ATP11C: variants seen among roughly 807,000 people sequenced by gnomAD.
ATP11C encodes phospholipid-transporting ATPase IG.
Under a neutral mutation model 97.4 loss-of-function variants are expected in ATP11C, and 36 were observed. The observed-to-expected ratio is 0.37, with a 90% CI of 0.28 to 0.49. ATP11C has a LOEUF of 0.49. ATP11C is among the 20% of genes least tolerant of loss of function. The pLI is 0.98. For synonymous variants in ATP11C, 275 were observed against 290.9 expected, an observed-to-expected ratio of 0.95 and a Z score of 0.56; for missense variants, 730 against 824.6, an observed-to-expected ratio of 0.89 and a Z score of 1.40.
intron 2 of ATP11C, among the ~76,000 whole-genome samples, chrX:139,820,701 A>G (rs2083390522): frequency 9.0e-6 from 1 of 110,790 alleles, no homozygotes; most frequent in Admixed American, 9.6e-5. Context: ...TCTTAGGCCA[A>G]CTGTCAACTG....
At chrX:139,790,457 C>G (rs1309180610) in intron 12 of ATP11C, among the ~76,000 whole-genome samples, 1 of 96,990 alleles carries the variant, frequency 1.0e-5, no homozygotes, top group Non-Finnish European at 2.0e-5. Context: ...CTCTCTCTCT[C>G]TCTCACTCAC....
intron 20 of ATP11C, among the ~76,000 whole-genome samples, chrX:139,766,687 G>A (rs770598815): frequency 9.0e-6 from 1 of 111,695 alleles, no homozygotes; most frequent in African/African-American, 3.3e-5. Flanking sequence ...AGAGGAAGTG[G>A]TTAAAGAATC....
At chrX:139,796,851 C>T (rs1291797948) in intron 11 of ATP11C, among the ~76,000 whole-genome samples, 1 of 111,418 alleles carries the variant, frequency 9.0e-6, no homozygotes, top group Non-Finnish European at 1.9e-5. Context: ...AAGCATCTTG[C>T]CAAATTGTTT....
intron 18 of ATP11C, among the ~76,000 whole-genome samples, chrX:139,780,089 A>G (rs1215724059): frequency 9.0e-6 from 1 of 111,673 alleles, no homozygotes; most frequent in South Asian, 3.8e-4. Context: ...AGGACCAGAG[A>G]GATTAACAGC....
At chrX:139,819,807 G>C (rs2147855748) in intron 2 of ATP11C, among the ~76,000 whole-genome samples, 1 of 112,118 alleles carries the variant, frequency 8.9e-6, no homozygotes, top group Admixed American at 9.4e-5. Context: ...GATAAGCAAA[G>C]AGTTCTATAG....
chrX:139,902,489 AG>A (rs1192974628), intron 1 of ATP11C, among the ~76,000 whole-genome samples: 1 of 111,953 alleles, frequency 8.9e-6, no homozygotes, highest in Admixed American at 9.5e-5. Flanking sequence ...AAATCACCTC[AG>A]GAAAAAAATA....
chrX:139,862,091 T>C (rs1298656656), intron 1 of ATP11C, among the ~76,000 whole-genome samples: 1 of 111,642 alleles, frequency 9.0e-6, no homozygotes, highest in Non-Finnish European at 1.9e-5. Context: ...TTCTACATGG[T>C]TGTATTTAGA....
At chrX:139,923,474 G>C (rs1462892452) in intron 1 of ATP11C, among the ~76,000 whole-genome samples, 3 of 111,930 alleles carry the variant, frequency 2.7e-5, no homozygotes, top group African/African-American at 9.8e-5. Context: ...CTACTGGTGA[G>C]CAGGGCTGTA....
At chrX:139,817,440 G>A (rs1569469686) in intron 3 of ATP11C, among the ~76,000 whole-genome samples, 1 of 112,546 alleles carries the variant, frequency 8.9e-6, no homozygotes, top group Non-Finnish European at 1.9e-5. Flanking sequence ...AATAAAGGAA[G>A]CCAGTGGCGA....
intron 18 of ATP11C, 80 bp downstream of exon 18, chrX:139,782,467 G>C: frequency 1.5e-6 from 1 of 648,785 alleles, no homozygotes; most frequent in Non-Finnish European, 2.2e-6. Context: ...TTCAAACTTC[G>C]AGATTAAATT....
At chrX:139,875,003 G>A (rs2084445813) in intron 1 of ATP11C, among the ~76,000 whole-genome samples, 1 of 111,244 alleles carries the variant, frequency 9.0e-6, no homozygotes. Flanking sequence ...AATCCTTGAT[G>A]GAAGAGCATA....
chrX:139,860,674 C>T (rs763826375), intron 1 of ATP11C, among the ~76,000 whole-genome samples: 5 of 111,274 alleles, frequency 4.5e-5, no homozygotes, highest in South Asian at 3.8e-4. Flanking sequence ...AAAAATTAGC[C>T]GGGCATAGTG....
chrX:139,743,692 A>G, intron 25 of ATP11C, 68 bp from the exon 26 acceptor site: 1 of 702,783 alleles, frequency 1.4e-6, no homozygotes, highest in Non-Finnish European at 2.0e-6. Flanking sequence ...TTTTCATTTA[A>G]AAAAAAAGCC....
At chrX:139,933,207 G>A (rs1167830971), upstream of ATP11C, 2 of 110,783 alleles carry the variant, frequency 1.8e-5, no homozygotes, top group Non-Finnish European at 3.8e-5. Context: ...CGGGCTGGGA[G>A]CTCCCCCACA....
At chrX:139,769,678 G>A (rs1345898673) in intron 19 of ATP11C, among the ~76,000 whole-genome samples, 1 of 110,866 alleles carries the variant, frequency 9.0e-6, no homozygotes, top group African/African-American at 3.3e-5. Context: ...GTTTTGCTCC[G>A]GGGAATCTTG....
chrX:139,852,948 C>G (rs915944724), intron 1 of ATP11C, among the ~76,000 whole-genome samples: 2 of 110,739 alleles, frequency 1.8e-5, no homozygotes, highest in East Asian at 2.9e-4. Context: ...AGGCAAGACA[C>G]CCCCTGGTTT....
At chrX:139,731,845 A>T in intron 28 of ATP11C, 90 bp from the exon 29 acceptor site, 1 of 508,473 alleles carries the variant, frequency 2.0e-6, no homozygotes, top group African/African-American at 2.4e-5. Context: ...AAAAGAAAAA[A>T]ATCATTTCCT....
At chrX:139,928,914 T>C (rs947397556) in intron 1 of ATP11C, among the ~76,000 whole-genome samples, 2 of 112,226 alleles carry the variant, frequency 1.8e-5, no homozygotes, top group Non-Finnish European at 3.8e-5. Context: ...TTTGAATCTT[T>C]AGTATAAAAT....
chrX:139,835,832 G>T (rs2083739273), intron 1 of ATP11C, among the ~76,000 whole-genome samples: 1 of 103,881 alleles, frequency 9.6e-6, no homozygotes, highest in Non-Finnish European at 2.0e-5. Flanking sequence ...TTTGAGACTA[G>T]CCTGGCCAAC....
Sources: allele counts gnomAD v4.1 joint callset (sites outside exome capture counted in the v4.1 genomes callset), GRCh38; gene constraint gnomAD v4.1.1; transcripts MANE v1.5; gene names NCBI Gene and HGNC (gene_info 2026-07-23, HGNC 2026-07-21).